Variants in ZFPM1 observed in about 807,000 individuals in gnomAD.
ZFPM1 encodes the protein zinc finger protein ZFPM1.
A neutral mutation model predicts 46.3 loss-of-function variants in ZFPM1; 28 were observed. That is an observed-to-expected ratio of 0.60 (90% confidence interval 0.45 to 0.83). The LOEUF (loss-of-function observed/expected upper bound fraction) is 0.83, where lower values mean the gene tolerates loss of function less well. Ranked by LOEUF, ZFPM1 falls within the 40% of genes least tolerant of loss-of-function variation. The pLI is 0.00. For missense variants in ZFPM1, 1,878 were observed against 1,432.4 expected, an observed-to-expected ratio of 1.31 and a Z score of -5.02; for synonymous variants, 957 against 675.9, an observed-to-expected ratio of 1.42 and a Z score of -6.45.
intron 7 of ZFPM1, 99 bp from the exon 8 acceptor site, chr16:88,532,515 C>G (rs567759848): frequency 2.3e-6 from 3 of 1,281,148 alleles, no homozygotes; most frequent in South Asian, 2.8e-5. Flanking sequence ...CAGGGTCCCC[C>G]GGCACAGATC....
Position 88,473,716 on chromosome 16 carries a change from G to T in ZFPM1, c.41-12223G>T, listed in dbSNP as rs928399057. The stretch of plus-strand genomic sequence containing the variant: ...GGTCGCTCCCCAGCCCAGATTCTCG[G>T]GGCCGTGCTGGGACCTCTCCTCCTC... On this transcript the variant is annotated intron_variant, in intron 1 of 9. Transcript: ENST00000319555. 1.1e-4 allele frequency among the ~76,000 whole-genome samples: 17 copies of T among 152,152 alleles called. No individual in the cohort carries two copies. In the South Asian group the frequency reaches 3.5e-3, roughly 31 times the overall value.
rs1172082638 is a variant in ZFPM1, at chr16:88,511,160, C to T, written c.269-3227C>T. 3.3e-5 allele frequency among the ~76,000 whole-genome samples: 5 copies of T among 152,300 alleles called. No individual in the cohort carries two copies. The East Asian group carries it at 5.8e-4, about 18-fold the overall frequency. On this transcript the variant is annotated intron_variant, in intron 3 of 9. Transcript: ENST00000319555. ...CCCTGGAAGCCCACCCTGACAGGCC[C>T]GCCCTCAGAGCTGTCGGTGCCGGTG...
chr16:88,507,299 C>T (rs781370623), intron 3 of ZFPM1, among the ~76,000 whole-genome samples: 1 of 152,186 alleles, frequency 6.6e-6, no homozygotes, highest in Non-Finnish European at 1.5e-5. Flanking sequence ...GGCCTCACCC[C>T]CTCAGCACCA....
rs781362877 is a variant in ZFPM1 at position 88,533,353 on chromosome 16, G to A, written c.1395G>A (p.Glu465=). The A allele has an allele frequency of 1.0e-5, 16 of 1,532,850 alleles. No homozygotes were observed. The South Asian group carries it at 1.8e-4, about 17-fold the overall frequency. 95.0% of individuals were successfully genotyped at this position (1,532,850 alleles called of 1,614,324 possible). ...CGGCCCCCAGGAGCATCAAGGTGGA[G>A]GCGGTGGAGGAGCCGGAGGCGGCCC... ...PPAAPRSIKV[E]AVEEPEAAPI... The change falls in exon 10 of 10, where the codon GAG becomes GAA. Residue 465 remains glutamate (E), a synonymous_variant. Transcript: ENST00000319555.
At position 88,485,033 on chromosome 16, in the gene ZFPM1, C is replaced by T. The variant is rs919942583; in HGVS notation, c.41-906C>T. On this transcript the variant is annotated intron_variant, in intron 1 of 9. Transcript: ENST00000319555. ...TTTGTTCGCTCGACAAGTCTGTGAG[C>T]GCCTCCTTTGTGCTGGGTGAGGGTG... Among the ~76,000 whole-genome samples, 4 of 152,240 alleles carry T rather than the reference C, an allele frequency of 2.6e-5. 1 individual carries two copies. In the East Asian group the frequency reaches 5.8e-4, roughly 22 times the overall value.
chr16:88,519,350 T>C (rs958554785), intron 4 of ZFPM1, among the ~76,000 whole-genome samples: 1 of 146,394 alleles, frequency 6.8e-6, no homozygotes, highest in African/African-American at 2.6e-5. Flanking sequence ...GATGAATGGA[T>C]GAGTGGATGG....
chr16:88,524,002 G>T (rs940865369), intron 4 of ZFPM1, among the ~76,000 whole-genome samples: 4 of 152,228 alleles, frequency 2.6e-5, no homozygotes, highest in Non-Finnish European at 4.4e-5. Flanking sequence ...GTTGCGGCGC[G>T]TGTTTTTATC....
At chr16:88,472,259 G>T (rs1035405116) in intron 1 of ZFPM1, among the ~76,000 whole-genome samples, 2 of 152,174 alleles carry the variant, frequency 1.3e-5, no homozygotes, top group African/African-American at 4.8e-5. Flanking sequence ...CCAGCTCTGC[G>T]CCTCGGTCCC....
At position 88,536,661 on chromosome 16, in the gene ZFPM1, G is replaced by A. The variant is rs1261222028; in HGVS notation, c.*1682G>A. 1 of 152,330 alleles carries A rather than the reference G, an allele frequency of 6.6e-6. No individual in the cohort carries two copies. The highest frequency in any genetic ancestry group is 1.5e-5 in the Non-Finnish European group (1 of 68,100). The allele number at this position is 152,330 out of a possible 1,614,324, so 9.4% of individuals were successfully genotyped here. A position where few individuals can be genotyped will look rare whatever the true frequency, so the allele number is the denominator to read the frequency against. ...TGCAGCGCTTTCAGTGGTCTCTGAT[G>A]TCTTTGTCCACCTGCCCACTAGGGT... On this transcript the variant is annotated 3_prime_UTR_variant, in exon 10 of 10. Transcript: ENST00000319555.
intron 2 of ZFPM1, among the ~76,000 whole-genome samples, chr16:88,487,656 C>T (rs747014954): frequency 6.6e-6 from 1 of 152,140 alleles, no homozygotes; most frequent in Non-Finnish European, 1.5e-5. Flanking sequence ...CAGCATTTCC[C>T]AGTCTGAGTG....
chr16:88,530,894 G>A (rs1427430524), intron 6 of ZFPM1: 3 of 152,296 alleles, frequency 2.0e-5, no homozygotes, highest in Non-Finnish European at 4.4e-5. Context: ...CAGAAAAGTC[G>A]TTAGAACAGC....
At chr16:88,526,948 C>A (rs763065291) in intron 5 of ZFPM1, 32 bp downstream of exon 5, 1 of 1,538,456 alleles carries the variant, frequency 6.5e-7, no homozygotes, top group African/African-American at 1.4e-5. Context: ...CGTCCCAAGC[C>A]TTCCGGAAGG....
At chr16:88,499,236 C>G (rs186190922) in intron 3 of ZFPM1, among the ~76,000 whole-genome samples, 2 of 152,256 alleles carry the variant, frequency 1.3e-5, no homozygotes, top group Non-Finnish European at 2.9e-5. Flanking sequence ...GGGAAAGTCA[C>G]CTGGGCCTCG....
chr16:88,532,356 C>A, intron 7 of ZFPM1, 121 bp downstream of exon 7: 1 of 1,074,868 alleles, frequency 9.3e-7, no homozygotes. Flanking sequence ...CCTGCGCGGT[C>A]TCCGGCACAC....
In ZFPM1 at chr16:88,534,149, G is replaced by A. The variant is rs1260097239; in HGVS notation, c.2191G>A (p.Ala731Thr). Residue 731 changes from alanine to threonine, a missense_variant, in exon 10 of 10, where the codon GCC (alanine) becomes ACC (threonine). Physicochemically the swap from Ala to Thr is moderately conservative, Grantham distance 58. Transcript: ENST00000319555. The stretch of plus-strand genomic sequence containing the variant: ...ACCCCCTGGGCCGGCCGCGCCCCCG[G>A]CCCCCTCTCCCGCCGCGCCTGTGCG... ...PGPPGPAAPPAPSPAAPVRTR... is the reference protein window; with the variant it reads ...PGPPGPAAPPTPSPAAPVRTR... 8.4e-5 allele frequency: 84 copies of A among 1,004,588 alleles called. No homozygotes were observed. Among genetic ancestry groups the A allele is most frequent in the East Asian group, 1.1e-4 (1 of 9,452 alleles). 62.2% of individuals were successfully genotyped at this position (1,004,588 alleles called of 1,614,324 possible).
intron 3 of ZFPM1, among the ~76,000 whole-genome samples, chr16:88,492,768 G>A (rs1331917307): frequency 2.6e-5 from 4 of 152,164 alleles, no homozygotes; most frequent in Non-Finnish European, 5.9e-5. Context: ...CCTGTCCCTG[G>A]TGGTCCCAGA....
At chr16:88,482,164 C>T (rs922951568) in intron 1 of ZFPM1, among the ~76,000 whole-genome samples, 6 of 152,158 alleles carry the variant, frequency 3.9e-5, no homozygotes, top group Non-Finnish European at 5.9e-5. Flanking sequence ...TTGCTAGCCC[C>T]GGGCATGGGG....
At chr16:88,478,898 C>T (rs765845449) in intron 1 of ZFPM1, among the ~76,000 whole-genome samples, 5 of 152,156 alleles carry the variant, frequency 3.3e-5, no homozygotes, top group African/African-American at 4.8e-5. Context: ...GAGACTTCCC[C>T]GGGGGCCTGG....
At position 88,471,988 on chromosome 16, in the gene ZFPM1, C is replaced by T. The variant is rs1244981518; in HGVS notation, c.41-13951C>T. ...AGTGGAGCCAGAAGCCTGGGCCTCC[C>T]CGGTAGGAGCCCGGCAGGGCCAAAC... On this transcript the variant is annotated intron_variant, in intron 1 of 9. Transcript: ENST00000319555. This position sits in a 1 kb window ranked among gnomAD's most constrained non-coding sequence, Gnocchi z 4.1. 6.6e-6 allele frequency among the ~76,000 whole-genome samples: 1 copy of T among 152,240 alleles called. No individual in the cohort carries two copies. Among genetic ancestry groups the T allele is most frequent in the African/African-American group, 2.4e-5 (1 of 41,474 alleles).
Sources: gnomAD v4.1 joint callset for allele counts (sites outside exome capture counted in the v4.1 genomes callset) on GRCh38, gnomAD v4.1.1 for gene constraint, Gnocchi (gnomAD v3.1) non-coding constraint, MANE v1.5 for transcripts, NCBI Gene and HGNC (gene_info 2026-07-23, HGNC 2026-07-21) for gene names.